The following SERPINF2 variants were observed in gnomAD, a reference collection of about 807,000 sequenced individuals.
The protein encoded by SERPINF2 is serpin family F member 2, also known as alpha-2-antiplasmin.
A neutral mutation model predicts 45.0 loss-of-function variants in SERPINF2; 15 were observed. The observed-to-expected ratio is 0.33, with a 90% confidence interval of 0.22 to 0.51. The LOEUF is 0.51. Among genes scored for constraint, SERPINF2 ranks in the 20% least tolerant of loss-of-function variants. The pLI is 0.97. For missense variants in SERPINF2, 518 were observed against 637.4 expected (o/e 0.81, Z 2.02); for synonymous variants, 283 against 277.9 (o/e 1.02, Z -0.18).
intron 7 of SERPINF2, among the ~76,000 whole-genome samples, chr17:1,748,194 G>A (rs985357640): frequency 4.0e-5 from 6 of 151,758 alleles, no homozygotes; most frequent in Non-Finnish European, 8.8e-5. Context: ...CCAGCTACTC[G>A]GGAGGCTGAG....
Position 1,747,306 on chromosome 17 carries a change from C to T in SERPINF2, c.512-3C>T. 2 of 1,613,764 alleles carry T rather than the reference C, an allele frequency of 1.2e-6. No individual in the cohort carries two copies. Among genetic ancestry groups the T allele is most frequent in the Non-Finnish European group, 1.7e-6 (2 of 1,180,004 alleles). ...GGGAACAGCTTGTGCTGCCTCCGTG[C>T]AGGATTTCCCATCAAAGAAGATTTC... On this transcript the variant is annotated splice_polypyrimidine_tract_variant and splice_region_variant and intron_variant, in intron 6 of 9. Transcript: ENST00000453066.
At chr17:1,753,195 G>C (rs976793155) in intron 9 of SERPINF2, among the ~76,000 whole-genome samples, 23 of 152,130 alleles carry the variant, frequency 1.5e-4, no homozygotes, top group African/African-American at 5.6e-4. Context: ...GCTTGAGCCC[G>C]GGAGTCCGAC....
chr17:1,748,913 G>A (rs1483724847), intron 8 of SERPINF2, among the ~76,000 whole-genome samples, 173 bp downstream of exon 8: 1 of 152,236 alleles, frequency 6.6e-6, no homozygotes, highest in Non-Finnish European at 1.5e-5. Context: ...TACCTGGCAG[G>A]AGGACTGAGG....
intron 9 of SERPINF2, among the ~76,000 whole-genome samples, chr17:1,753,286 G>A (rs534752511): frequency 5.9e-5 from 9 of 152,324 alleles, no homozygotes; most frequent in African/African-American, 1.9e-4. Flanking sequence ...CTACTGGGGA[G>A]GTTGAGGTGG....
At chr17:1,748,162 G>A (rs879750934) in intron 7 of SERPINF2, among the ~76,000 whole-genome samples, 23 of 151,958 alleles carry the variant, frequency 1.5e-4, no homozygotes, top group Non-Finnish European at 2.5e-4. Context: ...TTAGCTGGGC[G>A]TAGTGGCGGG....
intron 8 of SERPINF2, among the ~76,000 whole-genome samples, chr17:1,750,605 C>T (rs749695952): frequency 9.2e-5 from 14 of 152,268 alleles, no homozygotes; most frequent in Middle Eastern, 3.4e-3. Context: ...GATAAAATTC[C>T]GTGCCAGGCT....
chr17:1,745,111 G>C lies in SERPINF2; in HGVS notation c.63+53G>C, dbSNP rs1905674686. ...GTGGGGTGGAGGGGGAAGAAGAGGG[G>C]CGTTGGCATGGAGGGAGGGCTTGGC... On this transcript the variant is annotated intron_variant, in intron 2 of 9. Coordinates refer to ENST00000453066, the MANE Select transcript of SERPINF2 (RefSeq NM_000934.4). This position sits in a 1 kb window ranked among gnomAD's most constrained non-coding sequence, Gnocchi z 6.2. The C allele has an allele frequency of 1.2e-6, 2 of 1,605,554 alleles. No individual in the cohort carries two copies. The highest frequency in any genetic ancestry group is 1.7e-6 in the Non-Finnish European group (2 of 1,176,974).
In SERPINF2 at chr17:1,754,682, G is replaced by A; in HGVS notation, c.*148G>A. 2 of 275,464 alleles carry A rather than the reference G, an allele frequency of 7.3e-6. No individual in the cohort carries two copies. The highest frequency in any genetic ancestry group is 3.4e-5 in the South Asian group (1 of 29,320). 17.1% of individuals were successfully genotyped at this position (275,464 alleles called of 1,614,324 possible). Reference sequence around the variant, plus strand: ...TTCCCAACACCTCTTGGGGAGTTTAGGGTGGGGGGGGGGCGCGGCTGGGAG... The same window carrying A: ...TTCCCAACACCTCTTGGGGAGTTTAAGGTGGGGGGGGGGCGCGGCTGGGAG... On this transcript the variant is annotated 3_prime_UTR_variant, in exon 10 of 10. Coordinates refer to ENST00000453066, the MANE Select transcript of SERPINF2 (RefSeq NM_000934.4).
Position 1,754,276 on chromosome 17 carries a change from GTCC to G in SERPINF2, c.1223_1225del (p.Ser408del), listed in dbSNP as rs761862460. ...GCATTGCCATGTCCCGCATGTCCCT[GTCC>G]TCCTTCAGCGTGAACCGCCCCTTCC... On this transcript the variant is annotated inframe_deletion, in exon 10 of 10. Transcript: ENST00000453066. 16 of 1,614,148 alleles carry G rather than the reference GTCC, an allele frequency of 9.9e-6. No individual in the cohort carries two copies. The highest frequency in any genetic ancestry group is 1.3e-5 in the African/African-American group (1 of 75,056).
At position 1,745,109 on chromosome 17, in the gene SERPINF2, G is replaced by T; in HGVS notation, c.63+51G>T. 1 of 1,606,778 alleles carries T rather than the reference G, an allele frequency of 6.2e-7. No individual in the cohort carries two copies. The highest frequency in any genetic ancestry group is 8.5e-7 in the Non-Finnish European group (1 of 1,177,568). On this transcript the variant is annotated intron_variant, in intron 2 of 9. Coordinates refer to ENST00000453066, the MANE Select transcript of SERPINF2 (RefSeq NM_000934.4). This position sits in a 1 kb window ranked among gnomAD's most constrained non-coding sequence, Gnocchi z 6.2. ...GGGTGGGGTGGAGGGGGAAGAAGAG[G>T]GGCGTTGGCATGGAGGGAGGGCTTG...
At chr17:1,753,370 A>G (rs1906553023) in intron 9 of SERPINF2, among the ~76,000 whole-genome samples, 1 of 152,100 alleles carries the variant, frequency 6.6e-6, no homozygotes, top group African/African-American at 2.4e-5. Context: ...GCCTCAGCAA[A>G]AGAACTAAGA....
At chr17:1,746,216 G>C (rs1005714365) in intron 5 of SERPINF2, among the ~76,000 whole-genome samples, 2 of 151,898 alleles carry the variant, frequency 1.3e-5, no homozygotes, top group Admixed American at 6.6e-5. Flanking sequence ...TACTCAGGAG[G>C]CTGAGGCAGA....
In SERPINF2 at chr17:1,748,596, A is replaced by G. The variant is rs111822148; in HGVS notation, c.716-2A>G. The G allele has an allele frequency of 6.2e-7, 1 of 1,613,472 alleles. No homozygotes were observed. Reference sequence around the variant, plus strand: ...TGACCCCTGCCCTCTGCTGGGTTTCAGGTTTCTGGAGGAACAAGTTTGACC... The same window carrying G: ...TGACCCCTGCCCTCTGCTGGGTTTCGGGTTTCTGGAGGAACAAGTTTGACC... On this transcript the variant is annotated splice_acceptor_variant, in intron 7 of 9. Coordinates refer to ENST00000453066, the MANE Select transcript of SERPINF2 (RefSeq NM_000934.4). LOFTEE classifies it high-confidence loss of function.
chr17:1,743,102 G>A (rs1905439944), intron 1 of SERPINF2, 194 bp downstream of exon 1: 1 of 985,016 alleles, frequency 1.0e-6, no homozygotes, highest in Admixed American at 6.2e-5. Context: ...CTGGCCAAGG[G>A]CTCTTGTGTG....
chr17:1,748,591 G>A lies in SERPINF2; in HGVS notation c.716-7G>A. On this transcript the variant is annotated splice_polypyrimidine_tract_variant and splice_region_variant and intron_variant, in intron 7 of 9. Coordinates refer to ENST00000453066, the MANE Select transcript of SERPINF2 (RefSeq NM_000934.4). ...CGACGTGACCCCTGCCCTCTGCTGG[G>A]TTTCAGGTTTCTGGAGGAACAAGTT... is the stretch of plus-strand genomic sequence containing the variant. 1.2e-6 allele frequency: 2 copies of A among 1,613,226 alleles called. No individual in the cohort carries two copies. Among genetic ancestry groups the A allele is most frequent in the Non-Finnish European group, 1.7e-6 (2 of 1,180,038 alleles).
intron 8 of SERPINF2, among the ~76,000 whole-genome samples, chr17:1,751,119 G>C (rs773046869): frequency 4.5e-4 from 68 of 152,260 alleles, no homozygotes; most frequent in Non-Finnish European, 9.3e-4. Flanking sequence ...GAGCCCTGTG[G>C]TGTCCACACT....
At chr17:1,744,213 C>CTGGGATTA (rs1905579056) in intron 1 of SERPINF2, among the ~76,000 whole-genome samples, 7 of 150,230 alleles carry the variant, frequency 4.7e-5, no homozygotes, top group Admixed American at 2.0e-4. Flanking sequence ...TGGTCTTTTG[C>CTGGGATTA]CGGGTGCAGT....
intron 8 of SERPINF2, among the ~76,000 whole-genome samples, chr17:1,752,084 T>C (rs1906447895): frequency 9.8e-6 from 1 of 102,548 alleles, no homozygotes; most frequent in Non-Finnish European, 2.5e-5. Flanking sequence ...GGATTTTTAC[T>C]CCTGTCCCCC....
At position 1,747,086 on chromosome 17, in the gene SERPINF2, C is replaced by G. The variant is rs1567739252; in HGVS notation, c.435C>G (p.Pro145=). Residue 145 remains proline, a synonymous_variant, in exon 6 of 10, where the codon CCC becomes CCG. Coordinates refer to ENST00000453066, the MANE Select transcript of SERPINF2 (RefSeq NM_000934.4). Reference sequence around the variant, plus strand: ...ACGCAGGCTCAGGGCCCTGCCTCCCCCATCTGCTGAGCCGCCTCTGCCAGG... The same window carrying G: ...ACGCAGGCTCAGGGCCCTGCCTCCCGCATCTGCTGAGCCGCCTCTGCCAGG... The part of the protein sequence containing the change: ...VLHAGSGPCL[P]HLLSRLCQDL... 5 of 1,610,424 alleles carry G rather than the reference C, an allele frequency of 3.1e-6. No homozygotes were observed. The highest frequency in any genetic ancestry group is 4.2e-6 in the Non-Finnish European group (5 of 1,179,908).
Sources: gnomAD v4.1 joint callset for allele counts (sites outside exome capture counted in the v4.1 genomes callset) on GRCh38, gnomAD v4.1.1 for gene constraint, Gnocchi (gnomAD v3.1) non-coding constraint, MANE v1.5 for transcripts, NCBI Gene and HGNC (gene_info 2026-07-23, HGNC 2026-07-21) for gene names.